Variants in BLACAT1 observed in about 807,000 individuals in gnomAD.
BLACAT1 encodes the protein BLACAT1 overlapping LEMD1 locus.
chr1:205,448,686 A>T lies in BLACAT1; in HGVS notation c.-37+7231T>A, dbSNP rs1473220090. 6.6e-6 allele frequency among the ~76,000 whole-genome samples: 1 copy of T among 152,080 alleles called. No homozygotes were observed. The highest frequency in any genetic ancestry group is 1.5e-5 in the Non-Finnish European group (1 of 68,010). On this transcript the variant is annotated intron_variant, in intron 1 of 1. Transcript: ENST00000629624. The surrounding 1 kb of genome is among the most constrained non-coding windows in gnomAD (Gnocchi z 4.7). ...ATAAAGGACCTCCTCAAATTCCCTT[A>T]ATTAGCTTCCAGCCCCCTGCCCAGG... is the stretch of plus-strand genomic sequence containing the variant.
At chr1:205,443,528 G>C (rs1412910277) in intron 1 of BLACAT1, among the ~76,000 whole-genome samples, 2 of 152,156 alleles carry the variant, frequency 1.3e-5, no homozygotes, top group Non-Finnish European at 2.9e-5. Flanking sequence ...CCAGGAGCTG[G>C]GCTAGGGGCT....
chr1:205,443,767 G>C (rs1666336571), intron 1 of BLACAT1, among the ~76,000 whole-genome samples: 1 of 152,234 alleles, frequency 6.6e-6, no homozygotes, highest in Non-Finnish European at 1.5e-5. Flanking sequence ...TCTGTCTGCA[G>C]CATGCAGATT....
chr1:205,444,972 G>A (rs949942843), intron 1 of BLACAT1, among the ~76,000 whole-genome samples: 2 of 150,838 alleles, frequency 1.3e-5, no homozygotes, highest in Non-Finnish European at 2.9e-5. Flanking sequence ...GAACAAAGCT[G>A]AGCCCTCCGC....
Position 205,448,308 on chromosome 1 carries a change from C to G in BLACAT1, c.-36-7246G>C. 1.9e-6 allele frequency: 1 copy of G among 530,806 alleles called. No homozygotes were observed. Among genetic ancestry groups the G allele is most frequent in the Non-Finnish European group, 3.9e-6 (1 of 256,864 alleles). 32.9% of individuals were successfully genotyped at this position (530,806 alleles called of 1,614,324 possible). On this transcript the variant is annotated intron_variant, in intron 1 of 1. Transcript: ENST00000629624. This position sits in a 1 kb window ranked among gnomAD's most constrained non-coding sequence, Gnocchi z 4.7. ...GTGCAGCTGCGCAGGAGAAGGAGCT[C>G]GCCCCTCACTGTAGCCCATGGCTTT...
chr1:205,436,518 T>TG (rs35190644), downstream of BLACAT1: 139,639 of 152,116 alleles, frequency 0.92, 65,021 homozygotes, highest in East Asian at 1. Context: ...AGGGATGGCC[T>TG]GGGGTCCAGA....
At chr1:205,453,182 G>A (rs932595913) in intron 1 of BLACAT1, among the ~76,000 whole-genome samples, 13 of 152,172 alleles carry the variant, frequency 8.5e-5, no homozygotes, top group Non-Finnish European at 1.8e-4. Flanking sequence ...TGGTTGAGAC[G>A]GATCTGTGGG....
At chr1:205,435,460 A>G (rs919100389), downstream of BLACAT1, 3 of 152,194 alleles carry the variant, frequency 2.0e-5, no homozygotes, top group Non-Finnish European at 2.9e-5. Context: ...TTCAGCCTGG[A>G]GAATATATGC....
At chr1:205,454,413 G>T (rs1385367109) in intron 1 of BLACAT1, among the ~76,000 whole-genome samples, 7 of 150,766 alleles carry the variant, frequency 4.6e-5, no homozygotes, top group African/African-American at 1.7e-4. Context: ...TGTTCTCTTT[G>T]TGTGTGTGGG....
intron 1 of BLACAT1, among the ~76,000 whole-genome samples, chr1:205,444,846 G>A (rs1196304575): frequency 6.6e-6 from 1 of 151,854 alleles, no homozygotes; most frequent in South Asian, 2.1e-4. Context: ...CCAAGGCAGA[G>A]AGCAGAGGCA....
At chr1:205,436,681 T>A (rs1666213063), downstream of BLACAT1, 2 of 152,214 alleles carry the variant, frequency 1.3e-5, no homozygotes, top group Admixed American at 1.3e-4. Flanking sequence ...GAACAGATTC[T>A]GTTTCTTGGT....
chr1:205,455,651 C>A (rs1182944578), intron 1 of BLACAT1, among the ~76,000 whole-genome samples: 1 of 152,208 alleles, frequency 6.6e-6, no homozygotes, highest in Non-Finnish European at 1.5e-5. Context: ...CGGCAAAATC[C>A]TTTAAAAGGA....
Position 205,448,087 on chromosome 1 carries a change from G to A in BLACAT1, c.-36-7025C>T, listed in dbSNP as rs1666433375. Among the ~76,000 whole-genome samples the A allele has an allele frequency of 6.6e-6, 1 of 152,172 alleles. No individual in the cohort carries two copies. The highest frequency in any genetic ancestry group is 1.5e-5 in the Non-Finnish European group (1 of 68,032). On this transcript the variant is annotated intron_variant, in intron 1 of 1. Transcript: ENST00000629624. The surrounding 1 kb of genome is among the most constrained non-coding windows in gnomAD (Gnocchi z 4.7). ...GAAGGTCTCCTTCCTTCCTCAGAGG[G>A]AATCTCCCTCTGGAATCACCGGCCC...
rs2102475635 is a variant in BLACAT1, at chr1:205,448,102, A to C, written c.-36-7040T>G. On this transcript the variant is annotated intron_variant, in intron 1 of 1. Coordinates refer to ENST00000629624, the Ensembl canonical transcript of BLACAT1. The surrounding 1 kb of genome is among the most constrained non-coding windows in gnomAD (Gnocchi z 4.7). ...TCCTCAGAGGGAATCTCCCTCTGGA[A>C]TCACCGGCCCAGTCTCTTCATTCCA... 6.6e-6 allele frequency among the ~76,000 whole-genome samples: 1 copy of C among 152,278 alleles called. No individual in the cohort carries two copies. The highest frequency in any genetic ancestry group is 1.9e-4 in the East Asian group (1 of 5,162).
At chr1:205,440,115 C>A (rs923756807) in exon 2 of BLACAT1, among the ~76,000 whole-genome samples, 1 of 152,110 alleles carries the variant, frequency 6.6e-6, no homozygotes, top group African/African-American at 2.4e-5. Context: ...CAAGGGAGGG[C>A]ACGGCTCAGT....
At chr1:205,444,684 G>C (rs912084882) in intron 1 of BLACAT1, among the ~76,000 whole-genome samples, 1 of 152,146 alleles carries the variant, frequency 6.6e-6, no homozygotes, top group Non-Finnish European at 1.5e-5. Flanking sequence ...AAACTCCTAG[G>C]TGTCTCGAAT....
chr1:205,441,811 AT>A lies in BLACAT1; in HGVS notation c.-36-750del, dbSNP rs1458859560. ...AAAGACATGGTTTCTTCCCTGGCAC[AT>A]AAGTCTGAGGTAGAGGCTGAGGCTG... On this transcript the variant is annotated intron_variant, in intron 1 of 1. Transcript: ENST00000629624. The surrounding 1 kb of genome is among the most constrained non-coding windows in gnomAD (Gnocchi z 4.3). Among the ~76,000 whole-genome samples the A allele has an allele frequency of 6.6e-6, 1 of 152,194 alleles. No individual in the cohort carries two copies. Among genetic ancestry groups the A allele is most frequent in the Non-Finnish European group, 1.5e-5 (1 of 68,044 alleles).
Position 205,450,303 on chromosome 1 carries a change from G to T in BLACAT1, c.-37+5614C>A, listed in dbSNP as rs1666477966. On this transcript the variant is annotated intron_variant, in intron 1 of 1. Transcript: ENST00000629624. The surrounding 1 kb of genome is among the most constrained non-coding windows in gnomAD (Gnocchi z 4.4). ...ACTCACGTCCCCCTGCCGGGCTATTGGTGCAGAGGGGCTGTTTGGTCCCTC... is the reference window on the plus strand; with the variant it reads ...ACTCACGTCCCCCTGCCGGGCTATTTGTGCAGAGGGGCTGTTTGGTCCCTC... Among the ~76,000 whole-genome samples, 1 of 151,772 alleles carries T rather than the reference G, an allele frequency of 6.6e-6. No individual in the cohort carries two copies. The highest frequency in any genetic ancestry group is 1.5e-5 in the Non-Finnish European group (1 of 67,906).
intron 1 of BLACAT1, 27 bp downstream of exon 1, chr1:205,455,890 G>A (rs1242201279): frequency 6.6e-6 from 1 of 152,222 alleles, no homozygotes; most frequent in African/African-American, 2.4e-5. Context: ...GGCACTTTCT[G>A]CCTGTTTGTT....
intron 1 of BLACAT1, among the ~76,000 whole-genome samples, chr1:205,446,186 T>G (rs989249468): frequency 2.0e-5 from 3 of 152,206 alleles, no homozygotes; most frequent in Non-Finnish European, 4.4e-5. Context: ...TCATGTGAAA[T>G]ATACAATCAC....
Sources: gnomAD v4.1 joint callset for allele counts (sites outside exome capture counted in the v4.1 genomes callset) on GRCh38, gnomAD v4.1.1 for gene constraint, Gnocchi (gnomAD v3.1) non-coding constraint, MANE v1.5 for transcripts, NCBI Gene and HGNC (gene_info 2026-07-23, HGNC 2026-07-21) for gene names.